The following MSR1 variants were observed in gnomAD, a reference collection of about 807,000 sequenced individuals.
MSR1 encodes macrophage scavenger receptor types I and II.
In MSR1, 53 loss-of-function variants were observed where a neutral mutation model predicts 47.2. The ratio of observed to expected loss-of-function variants is 1.12; its 90% confidence interval spans 0.90 to 1.41. The LOEUF (loss-of-function observed/expected upper bound fraction) is 1.41. MSR1 is among the 40% of genes most tolerant of loss of function. MSR1 has a pLI of 0.00. For synonymous variants in MSR1, 239 were observed against 185.6 expected (o/e 1.29, Z -2.34); for missense variants, 786 against 546.9 (o/e 1.44, Z -4.36).
At chr8:16,140,848 G>T in intron 8 of MSR1, 1 of 1,575,200 alleles carries the variant, frequency 6.3e-7, no homozygotes, top group Non-Finnish European at 8.6e-7. Context: ...CAGGAGAGAA[G>T]GCCATGTGGA....
chr8:16,178,439 C>CT (rs1433736453), intron 1 of MSR1, among the ~76,000 whole-genome samples: 7 of 152,096 alleles, frequency 4.6e-5, no homozygotes, highest in Non-Finnish European at 1.0e-4. Context: ...TAAACTCATC[C>CT]TTTTTTGTGG....
chr8:16,138,331 C>T (rs564625514), intron 8 of MSR1, among the ~76,000 whole-genome samples: 5 of 152,226 alleles, frequency 3.3e-5, no homozygotes, highest in South Asian at 2.1e-4. Context: ...ATCACTCTTC[C>T]GCGTTAAGGT....
intron 8 of MSR1, among the ~76,000 whole-genome samples, chr8:16,130,720 G>A (rs1470290307): frequency 1.3e-5 from 2 of 151,948 alleles, no homozygotes; most frequent in African/African-American, 4.8e-5. Context: ...ACTTATAGGT[G>A]AGAACATGAA....
In MSR1 at chr8:16,186,267, CAG is replaced by C. The variant is rs1309830719; in HGVS notation, c.-5+6329_-5+6330del. 5 of 1,396,294 alleles carry C rather than the reference CAG, an allele frequency of 3.6e-6. No homozygotes were observed. The African/African-American group carries it at 5.7e-5, about 16-fold the overall frequency. The allele number at this position is 1,396,294 out of a possible 1,614,324, so 86.5% of individuals were successfully genotyped here. A position where few individuals can be genotyped will look rare whatever the true frequency, so the allele number is the denominator to read the frequency against. The stretch of plus-strand genomic sequence containing the variant: ...CCTCATCTCCCCAACGTCTCAACAG[CAG>C]AGTGAGCCAGGGTCCAGTTTCTGTT... On this transcript the variant is annotated intron_variant, in intron 1 of 9. Coordinates refer to ENST00000262101, the MANE Select transcript of MSR1 (RefSeq NM_138715.3).
chr8:16,169,890 A>T (rs1801431168), intron 3 of MSR1, among the ~76,000 whole-genome samples: 1 of 138,012 alleles, frequency 7.2e-6, no homozygotes, highest in African/African-American at 3.4e-5. Flanking sequence ...TCCCAAATTA[A>T]AAAAAAATTA....
chr8:16,150,142 A>G (rs202002550), intron 7 of MSR1, 89 bp downstream of exon 7: 857 of 10,940 alleles, frequency 0.078, 8 homozygotes, highest in African/African-American at 0.13. Flanking sequence ...GTGTGTGTGT[A>G]TATATATATA....
chr8:16,123,092 G>C (rs1443548685), intron 8 of MSR1, among the ~76,000 whole-genome samples: 1 of 151,946 alleles, frequency 6.6e-6, no homozygotes, highest in Non-Finnish European at 1.5e-5. Flanking sequence ...TGATCCGCCC[G>C]ACTCGGCCTG....
chr8:16,166,110 G>A (rs182507361), intron 4 of MSR1, among the ~76,000 whole-genome samples: 3 of 150,708 alleles, frequency 2.0e-5, no homozygotes, highest in Middle Eastern at 3.4e-3. Context: ...TCCTAGAAAC[G>A]AGGAATCATC....
At chr8:16,179,772 G>A (rs1306216694) in intron 1 of MSR1, among the ~76,000 whole-genome samples, 1 of 149,328 alleles carries the variant, frequency 6.7e-6, no homozygotes, top group Non-Finnish European at 1.5e-5. Context: ...AGCTATTCGG[G>A]AGGCTGAGGC....
At chr8:16,141,245 T>C (rs1428155732) in intron 8 of MSR1, 1 of 624,586 alleles carries the variant, frequency 1.6e-6, no homozygotes, top group Non-Finnish European at 2.8e-6. Flanking sequence ...ATTCATCAAA[T>C]GGTAAAATGT....
At chr8:16,151,890 T>A (rs1585165018) in intron 6 of MSR1, among the ~76,000 whole-genome samples, 1 of 152,166 alleles carries the variant, frequency 6.6e-6, no homozygotes, top group Non-Finnish European at 1.5e-5. Flanking sequence ...CTTTGCCACT[T>A]ACCAGTTGCT....
intron 7 of MSR1, among the ~76,000 whole-genome samples, chr8:16,147,365 A>G (rs1248117306): frequency 1.3e-5 from 2 of 152,102 alleles, no homozygotes; most frequent in Non-Finnish European, 2.9e-5. Flanking sequence ...TAATCCATGT[A>G]GAAGGAAAGG....
intron 5 of MSR1, among the ~76,000 whole-genome samples, chr8:16,156,897 CT>C (rs1801026554): frequency 5.3e-5 from 8 of 152,028 alleles, no homozygotes; most frequent in South Asian, 4.1e-4. Context: ...GAATGTAGTA[CT>C]TCCCAAGAAA....
chr8:16,161,318 C>T (rs542833226), intron 5 of MSR1, among the ~76,000 whole-genome samples: 2 of 151,938 alleles, frequency 1.3e-5, no homozygotes, highest in South Asian at 4.1e-4. Flanking sequence ...AGACTGAAAA[C>T]GCAACAGATT....
chr8:16,186,060 G>C (rs1386619010), intron 1 of MSR1: 6 of 1,050,208 alleles, frequency 5.7e-6, no homozygotes, highest in Non-Finnish European at 8.3e-6. Flanking sequence ...TGTTTTTCCT[G>C]TGTGGTAGAA....
rs767484467 is a variant in MSR1, at chr8:16,120,608, T to C, written c.1034-2A>G. On this transcript the variant is annotated splice_acceptor_variant, in intron 8 of 9. Transcript: ENST00000262101. LOFTEE classifies it high-confidence loss of function. ...CCAGTCGAACTTTCGTAAATGGAGC[T>C]GTAAAGTTAAAAAAAAAAAAAAAAA... The C allele has an allele frequency of 2.0e-6, 3 of 1,510,414 alleles. No homozygotes were observed. Among genetic ancestry groups the C allele is most frequent in the South Asian group, 2.4e-5 (2 of 82,128 alleles). 93.6% of individuals were successfully genotyped at this position (1,510,414 alleles called of 1,614,324 possible).
chr8:16,156,987 G>C (rs895860807), intron 5 of MSR1, among the ~76,000 whole-genome samples: 2 of 151,914 alleles, frequency 1.3e-5, no homozygotes, highest in African/African-American at 2.4e-5. Flanking sequence ...CCCAGGGGAG[G>C]GGGGCAAGCA....
intron 3 of MSR1, among the ~76,000 whole-genome samples, chr8:16,172,359 A>G (rs976587108): frequency 7.2e-5 from 11 of 152,176 alleles, no homozygotes; most frequent in African/African-American, 2.7e-4. Flanking sequence ...AAAAACACAA[A>G]TTGCCTGTTT....
chr8:16,169,324 GA>G (rs1801415239), intron 3 of MSR1, among the ~76,000 whole-genome samples: 1 of 152,198 alleles, frequency 6.6e-6, no homozygotes, highest in Non-Finnish European at 1.5e-5. Context: ...AATAAGTGGT[GA>G]AATAGTGGTG....
Sources: gnomAD v4.1 joint callset for allele counts (sites outside exome capture counted in the v4.1 genomes callset) on GRCh38, gnomAD v4.1.1 for gene constraint, MANE v1.5 for transcripts, NCBI Gene and HGNC (gene_info 2026-07-23, HGNC 2026-07-21) for gene names.